Variants in KDM2A observed in about 807,000 individuals in gnomAD.
KDM2A encodes lysine demethylase 2A, also known as lysine-specific demethylase 2A.
In KDM2A, 3 loss-of-function variants were observed where a neutral mutation model predicts 137.3. That is an observed-to-expected ratio of 0.02 (90% CI 0.01 to 0.06). The LOEUF (loss-of-function observed/expected upper bound fraction) is 0.06. KDM2A is among the 10% of genes least tolerant of loss of function. The pLI is 1.00. For missense variants in KDM2A, 738 were observed against 1,510.6 expected (o/e 0.49, Z 8.48); for synonymous variants, 512 against 541.5 (o/e 0.95, Z 0.76).
At chr11:67,154,868 A>G (rs1010479123) in intron 2 of KDM2A, among the ~76,000 whole-genome samples, 1 of 152,228 alleles carries the variant, frequency 6.6e-6, no homozygotes, top group African/African-American at 2.4e-5. Flanking sequence ...TTTATGGCTG[A>G]ATAATATTCC....
At position 67,255,388 on chromosome 11, in the gene KDM2A, G is replaced by T. The variant is rs1859568556; in HGVS notation, c.*333G>T. On this transcript the variant is annotated 3_prime_UTR_variant, in exon 21 of 21. Transcript: ENST00000529006. ...TTTGTGCAACCTTCATCTGCACTGG[G>T]CCCTGTGCCCCTCCTCCCCATCCAT... 1 of 474,322 alleles carries T rather than the reference G, an allele frequency of 2.1e-6. No homozygotes were observed. The highest frequency in any genetic ancestry group is 2.0e-5 in the African/African-American group (1 of 51,050). 29.4% of individuals were successfully genotyped at this position (474,322 alleles called of 1,614,324 possible).
chr11:67,131,913 T>G (rs533719494), intron 2 of KDM2A: 5 of 152,342 alleles, frequency 3.3e-5, no homozygotes, highest in Non-Finnish European at 7.4e-5. Flanking sequence ...TTTATTTATG[T>G]ATGTCACTCA....
At chr11:67,151,884 A>G (rs1295095663) in intron 2 of KDM2A, among the ~76,000 whole-genome samples, 3 of 152,164 alleles carry the variant, frequency 2.0e-5, no homozygotes, top group African/African-American at 4.8e-5. Context: ...AGCTAGGACT[A>G]TAGGCATGTA....
At chr11:67,203,843 A>G (rs190234119) in intron 5 of KDM2A, among the ~76,000 whole-genome samples, 1 of 147,900 alleles carries the variant, frequency 6.8e-6, no homozygotes, top group Non-Finnish European at 1.5e-5. Flanking sequence ...TGTGTCGCCC[A>G]GGTCCGGAGT....
At chr11:67,175,786 A>G (rs1357834447) in intron 2 of KDM2A, among the ~76,000 whole-genome samples, 2 of 152,222 alleles carry the variant, frequency 1.3e-5, no homozygotes, top group Non-Finnish European at 2.9e-5. Flanking sequence ...TAAAACAAGC[A>G]TATTAGAACT....
intron 2 of KDM2A, among the ~76,000 whole-genome samples, chr11:67,140,406 G>T (rs1022415165): frequency 6.6e-6 from 1 of 151,544 alleles, no homozygotes; most frequent in African/African-American, 2.4e-5. Flanking sequence ...AATATAGGTC[G>T]GAAGACCACC....
At chr11:67,242,086 TAAAAA>T (rs1314792823) in intron 12 of KDM2A, among the ~76,000 whole-genome samples, 1 of 151,790 alleles carries the variant, frequency 6.6e-6, no homozygotes, top group Non-Finnish European at 1.5e-5. Context: ...AAATAAAAAT[TAAAAA>T]AAATATATTT....
intron 5 of KDM2A, among the ~76,000 whole-genome samples, chr11:67,185,381 C>T (rs1385928777): frequency 1.3e-5 from 2 of 152,116 alleles, no homozygotes; most frequent in Non-Finnish European, 1.5e-5. Flanking sequence ...CCTGTAATCC[C>T]AGCACTTTGG....
chr11:67,162,479 A>G (rs1460773588), intron 2 of KDM2A, among the ~76,000 whole-genome samples: 1 of 152,154 alleles, frequency 6.6e-6, no homozygotes, highest in Non-Finnish European at 1.5e-5. Context: ...ACCTCAGCTC[A>G]CTGCAACCTT....
intron 5 of KDM2A, among the ~76,000 whole-genome samples, chr11:67,188,374 C>T (rs867884163): frequency 1.7e-4 from 25 of 150,428 alleles, no homozygotes; most frequent in African/African-American, 4.2e-4. Flanking sequence ...CCCAGCGACT[C>T]GGGAGGCTGA....
chr11:67,211,966 G>A (rs1199339496), intron 6 of KDM2A, among the ~76,000 whole-genome samples: 2 of 152,116 alleles, frequency 1.3e-5, no homozygotes, highest in African/African-American at 2.4e-5. Flanking sequence ...AAGAAAATAT[G>A]CATTTATATA....
intron 2 of KDM2A, among the ~76,000 whole-genome samples, chr11:67,175,781 C>T (rs2087989623): frequency 6.6e-6 from 1 of 152,128 alleles, no homozygotes; most frequent in Non-Finnish European, 1.5e-5. Flanking sequence ...ATTTTTAAAA[C>T]AAGCATATTA....
At chr11:67,151,872 G>A (rs186261169) in intron 2 of KDM2A, among the ~76,000 whole-genome samples, 25 of 152,118 alleles carry the variant, frequency 1.6e-4, no homozygotes, top group Admixed American at 1.2e-3. Context: ...AACCTCCTGC[G>A]TAGCTAGGAC....
At chr11:67,139,243 C>CCTTTTTT (rs368533931) in intron 2 of KDM2A, among the ~76,000 whole-genome samples, 5 of 149,974 alleles carry the variant, frequency 3.3e-5, no homozygotes, top group Admixed American at 1.3e-4. Context: ...TTTTTTTTTT[C>CCTTTTTT]CTTTTTTCTT....
rs1250325302 is a variant in KDM2A at position 67,231,646 on chromosome 11, C to T, written c.1165C>T (p.Arg389Cys). ...DREPRRLSSR[R>C]SVLTSPVANG... ...AGAACCCCGACGCTTGAGCAGCAGGCGTTCTGTCCTCACTAGCCCTGTAGC... is the reference window on the plus strand; with the variant it reads ...AGAACCCCGACGCTTGAGCAGCAGGTGTTCTGTCCTCACTAGCCCTGTAGC... The change falls in exon 12 of 21, where the codon CGT becomes TGT. Residue 389 changes from arginine to cysteine, a missense_variant. Arg to Cys is a radical substitution (Grantham distance 180). This residue lies in a region of KDM2A where 113 missense variants were observed against 133.5 expected (regional missense o/e 0.85). Coordinates refer to ENST00000529006, the MANE Select transcript of KDM2A (RefSeq NM_012308.3). The T allele has an allele frequency of 3.1e-6, 5 of 1,613,324 alleles. No homozygotes were observed. The highest frequency in any genetic ancestry group is 2.2e-5 in the East Asian group (1 of 44,868).
chr11:67,128,720 A>G (rs930436732), intron 2 of KDM2A, among the ~76,000 whole-genome samples: 10 of 152,172 alleles, frequency 6.6e-5, no homozygotes, highest in Non-Finnish European at 1.2e-4. Context: ...ATTAATCACT[A>G]CTGTACTTTG....
rs183456861 is a variant in KDM2A, at chr11:67,236,644, G to A, written c.1479+4684G>A. Among the ~76,000 whole-genome samples, 3 of 152,138 alleles carry A rather than the reference G, an allele frequency of 2.0e-5. No individual in the cohort carries two copies. The East Asian group carries it at 5.8e-4, about 29-fold the overall frequency. ...TTGATAAGCCTGCCAATCATACTTT[G>A]TGACTTTTGGGTAAGTTACTAAATT... On this transcript the variant is annotated intron_variant, in intron 12 of 20. Transcript: ENST00000529006.
intron 2 of KDM2A, among the ~76,000 whole-genome samples, chr11:67,168,526 G>A (rs1856797978): frequency 1.4e-5 from 2 of 144,902 alleles, no homozygotes; most frequent in Admixed American, 1.4e-4. Flanking sequence ...TATTCAGCAT[G>A]GTCTTGTATG....
Position 67,219,411 on chromosome 11 carries a change from A to G in KDM2A, c.957+8A>G. The G allele has an allele frequency of 6.6e-7, 1 of 1,504,950 alleles. No individual in the cohort carries two copies. The allele number at this position is 1,504,950 out of a possible 1,614,324, so 93.2% of individuals were successfully genotyped here. A position where few individuals can be genotyped will look rare whatever the true frequency, so the allele number is the denominator to read the frequency against. On this transcript the variant is annotated splice_region_variant and intron_variant, in intron 10 of 20. Transcript: ENST00000529006. ...ATTGAAGATCGGACACGGGTAAGTA[A>G]TCTTATGTAACAGTTGCATGTGAAG...
Sources: gnomAD v4.1 joint callset for allele counts (sites outside exome capture counted in the v4.1 genomes callset) on GRCh38, gnomAD v4.1.1 for gene constraint, gnomAD v4.1.1 regional missense constraint, MANE v1.5 for transcripts, NCBI Gene and HGNC (gene_info 2026-07-23, HGNC 2026-07-21) for gene names.